ADGRL4: variants seen among roughly 807,000 people sequenced by gnomAD.
ADGRL4 encodes EGF, latrophilin and seven transmembrane domain containing 1.
In ADGRL4, 90 loss-of-function variants were observed where a neutral mutation model predicts 74.8. The observed-to-expected ratio is 1.20, with a 90% CI of 1.02 to 1.43. ADGRL4 has a LOEUF of 1.43. Among genes scored for constraint, ADGRL4 ranks in the 40% most tolerant of loss-of-function variants. The probability of loss-of-function intolerance (pLI) is 0.00; values close to 1 mark genes in which losing one functional copy is unlikely to be tolerated. For synonymous variants in ADGRL4, 311 were observed against 279.2 expected (o/e 1.11, Z -1.14); for missense variants, 881 against 814.3 (o/e 1.08, Z -1.00).
In ADGRL4 at chr1:78,932,775, A is replaced by G. The variant is rs189659589; in HGVS notation, c.877+3520T>C. Among the ~76,000 whole-genome samples, 65 of 151,612 alleles carry G rather than the reference A, an allele frequency of 4.3e-4. 2 individuals carry two copies. The highest frequency in any genetic ancestry group is 1.5e-3 in the African/African-American group (63 of 40,910). On this transcript the variant is annotated intron_variant, in intron 7 of 14. Transcript: ENST00000370742. ...TGACCCTACAGAAATACAAACTACC[A>G]TCAGAGAATACTATAAACATCTTCA...
intron 8 of ADGRL4, among the ~76,000 whole-genome samples, chr1:78,926,279 T>A (rs1185978597): frequency 6.6e-6 from 1 of 152,086 alleles, no homozygotes; most frequent in Non-Finnish European, 1.5e-5. Context: ...GCAAATAACC[T>A]GTGATTTTGA....
chr1:78,922,640 C>T (rs1029724258), intron 8 of ADGRL4, among the ~76,000 whole-genome samples: 2 of 151,886 alleles, frequency 1.3e-5, no homozygotes, highest in Non-Finnish European at 2.9e-5. Flanking sequence ...AGTTATATAA[C>T]AATTTACACT....
At chr1:79,005,375 C>T (rs537957844) in intron 1 of ADGRL4, among the ~76,000 whole-genome samples, 156 bp from the exon 2 acceptor site, 48 of 152,240 alleles carry the variant, frequency 3.2e-4, no homozygotes, top group Admixed American at 6.5e-4. Flanking sequence ...TAAGTAACAG[C>T]ACAAAAGCAA....
At position 78,972,962 on chromosome 1, in the gene ADGRL4, G is replaced by A. The variant is rs140735150; in HGVS notation, c.173-26536C>T. 6.4e-3 allele frequency among the ~76,000 whole-genome samples: 979 copies of A among 152,240 alleles called. 15 individuals carry two copies. Among genetic ancestry groups the A allele is most frequent in the Middle Eastern group, 0.014 (4 of 294 alleles). On this transcript the variant is annotated intron_variant, in intron 2 of 14. Transcript: ENST00000370742. ...GCAGGCCTCTCAGCTATGAACATAG[G>A]ACTGATTTCGGTTGCAAAGCACATA... is the stretch of plus-strand genomic sequence containing the variant.
chr1:78,965,601 AT>A (rs1284983966), intron 2 of ADGRL4, among the ~76,000 whole-genome samples: 2 of 152,246 alleles, frequency 1.3e-5, no homozygotes, highest in African/African-American at 4.8e-5. Flanking sequence ...ATATCTGGAT[AT>A]AACAAGAGAT....
At chr1:78,969,806 T>C (rs1258964950) in intron 2 of ADGRL4, among the ~76,000 whole-genome samples, 1 of 152,134 alleles carries the variant, frequency 6.6e-6, no homozygotes, top group Non-Finnish European at 1.5e-5. Context: ...AGTTTTCACC[T>C]ACATTTTAGA....
At chr1:78,949,614 C>A (rs530164235) in intron 2 of ADGRL4, among the ~76,000 whole-genome samples, 5 of 152,210 alleles carry the variant, frequency 3.3e-5, no homozygotes. Flanking sequence ...TTGCCTTAAA[C>A]TTTCCAGTGT....
intron 2 of ADGRL4, among the ~76,000 whole-genome samples, chr1:78,955,960 T>C (rs911087512): frequency 6.6e-6 from 1 of 152,172 alleles, no homozygotes; most frequent in Non-Finnish European, 1.5e-5. Context: ...GTACTTTCTT[T>C]ACTATATAAT....
chr1:79,006,541 G>T, intron 1 of ADGRL4, 92 bp downstream of exon 1: 1 of 1,423,062 alleles, frequency 7.0e-7, no homozygotes, highest in Non-Finnish European at 9.5e-7. Flanking sequence ...AAATACACTT[G>T]CCATGTGAGC....
chr1:78,988,102 T>C (rs1650534119), intron 2 of ADGRL4, among the ~76,000 whole-genome samples: 1 of 151,832 alleles, frequency 6.6e-6, no homozygotes, highest in African/African-American at 2.4e-5. Flanking sequence ...ATTTAAGGTA[T>C]AACCTACTGT....
chr1:78,965,833 A>G (rs1210683638), intron 2 of ADGRL4, among the ~76,000 whole-genome samples: 2 of 152,206 alleles, frequency 1.3e-5, no homozygotes, highest in East Asian at 3.9e-4. Context: ...ACAGCATTAG[A>G]GAATGACATA....
intron 2 of ADGRL4, among the ~76,000 whole-genome samples, chr1:78,956,641 C>T (rs1057211691): frequency 1.3e-5 from 2 of 152,014 alleles, no homozygotes; most frequent in South Asian, 4.1e-4. Flanking sequence ...TATTATTTGT[C>T]ACAATGAATA....
At chr1:78,992,791 T>C (rs1420391596) in intron 2 of ADGRL4, among the ~76,000 whole-genome samples, 1 of 152,122 alleles carries the variant, frequency 6.6e-6, no homozygotes, top group Non-Finnish European at 1.5e-5. Context: ...TGATTGATAC[T>C]TTTATACAAA....
intron 2 of ADGRL4, among the ~76,000 whole-genome samples, chr1:78,955,378 CTT>C (rs1189628845): frequency 6.6e-6 from 1 of 151,332 alleles, no homozygotes; most frequent in African/African-American, 2.5e-5. Flanking sequence ...TTGTTTTTAA[CTT>C]TATTTGTGGC....
chr1:78,906,686 C>A (rs1344224650), intron 12 of ADGRL4, among the ~76,000 whole-genome samples: 1 of 151,842 alleles, frequency 6.6e-6, no homozygotes, highest in African/African-American at 2.4e-5. Flanking sequence ...AAAACAAGAA[C>A]AGAGGTTAGT....
At chr1:78,916,350 G>T (rs1021972692) in intron 12 of ADGRL4, among the ~76,000 whole-genome samples, 3 of 151,746 alleles carry the variant, frequency 2.0e-5, no homozygotes, top group East Asian at 3.9e-4. Flanking sequence ...ATTTTCCTAT[G>T]GTGAGAAAAT....
intron 2 of ADGRL4, among the ~76,000 whole-genome samples, chr1:78,956,732 A>C (rs1296229756): frequency 6.6e-6 from 1 of 152,196 alleles, no homozygotes. Context: ...TGTTTGAGAA[A>C]ACAACAATAA....
intron 12 of ADGRL4, among the ~76,000 whole-genome samples, chr1:78,896,980 T>C (rs568878025): frequency 1.3e-5 from 2 of 152,266 alleles, no homozygotes; most frequent in Non-Finnish European, 2.9e-5. Context: ...CCATGGCTCA[T>C]ACCCTCATCA....
At chr1:78,987,195 A>G (rs1313317974) in intron 2 of ADGRL4, among the ~76,000 whole-genome samples, 2 of 151,852 alleles carry the variant, frequency 1.3e-5, no homozygotes, top group Non-Finnish European at 2.9e-5. Context: ...AGATAGCTAC[A>G]TAGTATATAA....
Sources: gnomAD v4.1 joint callset for allele counts (sites outside exome capture counted in the v4.1 genomes callset) on GRCh38, gnomAD v4.1.1 for gene constraint, MANE v1.5 for transcripts, NCBI Gene and HGNC (gene_info 2026-07-23, HGNC 2026-07-21) for gene names.